SLC44A1: variants seen among roughly 807,000 people sequenced by gnomAD.
SLC44A1 encodes the protein solute carrier family 44 member 1.
A neutral mutation model predicts 79.3 loss-of-function variants in SLC44A1; 26 were observed. That is an observed-to-expected ratio of 0.33 (90% confidence interval 0.24 to 0.46). SLC44A1 has a LOEUF of 0.46. Among genes scored for constraint, SLC44A1 ranks in the 20% least tolerant of loss-of-function variants. The pLI, the probability that SLC44A1 is intolerant of heterozygous loss-of-function variation, is 1.00. For synonymous variants in SLC44A1, 263 were observed against 286.2 expected (o/e 0.92, Z 0.82); for missense variants, 688 against 798.1 (o/e 0.86, Z 1.66).
At chr9:105,283,223 C>G (rs1288692250) in intron 1 of SLC44A1, among the ~76,000 whole-genome samples, 2 of 152,120 alleles carry the variant, frequency 1.3e-5, no homozygotes, top group African/African-American at 4.8e-5. Flanking sequence ...CTTGTTTTAT[C>G]CAAAGATAGT....
At chr9:105,276,565 CGTGTGT>C (rs60259632) in intron 1 of SLC44A1, among the ~76,000 whole-genome samples, 9,859 of 118,880 alleles carry the variant, frequency 0.083, 282 homozygotes, top group African/African-American at 0.098. Context: ...GATGGGGAGC[CGTGTGT>C]GTGTGTGTGT....
At chr9:105,254,482 C>T (rs1296224983) in intron 1 of SLC44A1, among the ~76,000 whole-genome samples, 3 of 152,184 alleles carry the variant, frequency 2.0e-5, no homozygotes, top group African/African-American at 4.8e-5. Context: ...AGCAAGGTGG[C>T]GGCAGGGATG....
intron 15 of SLC44A1, chr9:105,385,812 G>C: frequency 1.0e-6 from 1 of 985,338 alleles, no homozygotes; most frequent in Non-Finnish European, 1.2e-6. Flanking sequence ...CTTTTTAACT[G>C]TCAGTGTTTG....
chr9:105,364,775 A>G, intron 10 of SLC44A1, 55 bp downstream of exon 10: 1 of 1,433,670 alleles, frequency 7.0e-7, no homozygotes, highest in Non-Finnish European at 9.6e-7. Context: ...TGGTGTCCGC[A>G]GGCTGGAGGG....
rs1828701692 is a variant in SLC44A1, at chr9:105,389,133, GTGTGTGTATATATGTATATGTA to G, written c.*101_*122del. 5 of 1,578,644 alleles carry G rather than the reference GTGTGTGTATATATGTATATGTA, an allele frequency of 3.2e-6. No homozygotes were observed. Among genetic ancestry groups the G allele is most frequent in the Non-Finnish European group, 4.3e-6 (5 of 1,151,796 alleles). On this transcript the variant is annotated 3_prime_UTR_variant, in exon 16 of 16. Coordinates refer to ENST00000374720, the MANE Select transcript of SLC44A1 (RefSeq NM_080546.5). Reference sequence around the variant, plus strand: ...CATAACTATGTATTTGTGTGTGTGGGTGTGTGTATATATGTATATGTATGTGTGTATATATGTATATGTATAT... The same window carrying G: ...CATAACTATGTATTTGTGTGTGTGGGTGTGTGTATATATGTATATGTATAT...
At chr9:105,386,409 T>C in intron 15 of SLC44A1, 1 of 980,962 alleles carries the variant, frequency 1.0e-6, no homozygotes, top group Non-Finnish European at 1.2e-6. Flanking sequence ...CCTGACTGCA[T>C]ATAATGTTCA....
intron 3 of SLC44A1, among the ~76,000 whole-genome samples, chr9:105,311,094 T>G (rs569011914): frequency 3.3e-5 from 5 of 152,358 alleles, no homozygotes; most frequent in Admixed American, 6.5e-5. Flanking sequence ...CTTAGCAATT[T>G]GAAGAATTGT....
At chr9:105,348,802 G>T (rs1588813103) in intron 5 of SLC44A1, among the ~76,000 whole-genome samples, 1 of 151,928 alleles carries the variant, frequency 6.6e-6, no homozygotes, top group East Asian at 1.9e-4. Flanking sequence ...TCTCCAAAGA[G>T]TTTTTTTGAT....
At position 105,374,724 on chromosome 9, in the gene SLC44A1, T is replaced by C. The variant is rs1828222575; in HGVS notation, c.1621T>C (p.Phe541Leu). ...CAACACAGTAGGAGATTTTATGTTA[T>C]TCCTTGGCAAGGTAAAACCAAGTAT... ...TINTVGDFML[F>L]LGKVLIVCST... The change falls in exon 13 of 16, where the codon TTC (phenylalanine) becomes CTC (leucine). Residue 541 changes from phenylalanine to leucine, a missense_variant. Phe to Leu is a conservative substitution (Grantham distance 22). Coordinates refer to ENST00000374720, the MANE Select transcript of SLC44A1 (RefSeq NM_080546.5). The C allele has an allele frequency of 6.2e-7, 1 of 1,610,714 alleles. No individual in the cohort carries two copies. Among genetic ancestry groups the C allele is most frequent in the Non-Finnish European group, 8.5e-7 (1 of 1,178,302 alleles).
chr9:105,379,235 G>A (rs907344877), intron 13 of SLC44A1, among the ~76,000 whole-genome samples: 2 of 152,144 alleles, frequency 1.3e-5, no homozygotes, highest in Admixed American at 6.6e-5. Context: ...TGATCACACC[G>A]CTGCATTCCA....
intron 4 of SLC44A1, 45 bp downstream of exon 4, chr9:105,335,744 T>A: frequency 6.4e-7 from 1 of 1,562,598 alleles, no homozygotes; most frequent in Non-Finnish European, 8.7e-7. Flanking sequence ...CACCTTGTTC[T>A]CTTTGTTAAA....
At chr9:105,425,561 G>A (rs1164931844) in intron 15 of SLC44A1, among the ~76,000 whole-genome samples, 1 of 152,184 alleles carries the variant, frequency 6.6e-6, no homozygotes, top group Non-Finnish European at 1.5e-5. Flanking sequence ...AGTGGCTCAC[G>A]CCTGTAATCT....
chr9:105,436,635 G>A (rs1829467410), intron 15 of SLC44A1, among the ~76,000 whole-genome samples: 1 of 152,168 alleles, frequency 6.6e-6, no homozygotes, highest in Non-Finnish European at 1.5e-5. Context: ...TAGGTGAGGT[G>A]TTGTGGAAAA....
chr9:105,341,102 A>G (rs977851755), intron 4 of SLC44A1, among the ~76,000 whole-genome samples: 2 of 152,202 alleles, frequency 1.3e-5, no homozygotes, highest in Non-Finnish European at 2.9e-5. Context: ...TGGGTGGCCA[A>G]GGTGGGTGGA....
chr9:105,404,843 G>T (rs1409439911), intron 15 of SLC44A1, among the ~76,000 whole-genome samples: 1 of 152,188 alleles, frequency 6.6e-6, no homozygotes, highest in African/African-American at 2.4e-5. Flanking sequence ...TTGAGGCTCA[G>T]GATCTTCCTT....
intron 4 of SLC44A1, among the ~76,000 whole-genome samples, chr9:105,342,820 T>C (rs1238361058): frequency 6.6e-6 from 1 of 152,128 alleles, no homozygotes; most frequent in Non-Finnish European, 1.5e-5. Flanking sequence ...GCACTTGCTA[T>C]CTAAGTTCTA....
At position 105,393,970 on chromosome 9, in the gene SLC44A1, A is replaced by G. The variant is rs1828821355; in HGVS notation, c.*4914A>G. On this transcript the variant is annotated 3_prime_UTR_variant, in exon 16 of 16. Coordinates refer to ENST00000374720, the MANE Select transcript of SLC44A1 (RefSeq NM_080546.5). Reference sequence around the variant, plus strand: ...CTCACTTTTATTTGCTAAGACCTGAATTTAATATTTGATATTCAAAAACAA... The same window carrying G: ...CTCACTTTTATTTGCTAAGACCTGAGTTTAATATTTGATATTCAAAAACAA... 1.0e-6 allele frequency: 1 copy of G among 984,034 alleles called. No homozygotes were observed. Among genetic ancestry groups the G allele is most frequent in the South Asian group, 4.7e-5 (1 of 21,264 alleles). 61.0% of individuals were successfully genotyped at this position (984,034 alleles called of 1,614,324 possible). A position where few individuals can be genotyped will look rare whatever the true frequency, so the allele number is the denominator to read the frequency against.
At chr9:105,266,593 A>G (rs1396308972) in intron 1 of SLC44A1, among the ~76,000 whole-genome samples, 2 of 152,200 alleles carry the variant, frequency 1.3e-5, no homozygotes, top group African/African-American at 2.4e-5. Context: ...TTGCCTTTGT[A>G]TCTTTCTCAA....
downstream of SLC44A1, among the ~76,000 whole-genome samples, chr9:105,399,788 T>A (rs73514020): frequency 1.3e-5 from 2 of 152,222 alleles, no homozygotes. Context: ...CTCATTTATA[T>A]GAAATAAATT....
Sources: allele counts gnomAD v4.1 joint callset (sites outside exome capture counted in the v4.1 genomes callset), GRCh38; gene constraint gnomAD v4.1.1; transcripts MANE v1.5; gene names NCBI Gene and HGNC (gene_info 2026-07-23, HGNC 2026-07-21).